Variants in CHD9 observed in about 807,000 individuals in gnomAD.
The protein encoded by CHD9 is ATP-dependent chromatin remodeler CHD9.
In CHD9, 77 loss-of-function variants were observed where a neutral mutation model predicts 316.1. The ratio of observed to expected loss-of-function variants is 0.24; its 90% CI spans 0.20 to 0.29. The LOEUF is 0.29. Ranked by LOEUF, CHD9 falls within the 10% of genes least tolerant of loss-of-function variation. The pLI, the probability that CHD9 is intolerant of heterozygous loss-of-function variation, is 1.00. For missense variants in CHD9, 2,763 were observed against 3,438.1 expected, an observed-to-expected ratio of 0.80 and a Z score of 4.91; for synonymous variants, 1,129 against 1,158.3, an observed-to-expected ratio of 0.97 and a Z score of 0.51.
intron 2 of CHD9, among the ~76,000 whole-genome samples, chr16:53,204,085 A>ATT (rs1318571032): frequency 6.9e-6 from 1 of 144,360 alleles, no homozygotes; most frequent in Non-Finnish European, 1.5e-5. Flanking sequence ...ACACACACAC[A>ATT]CATTTATGTC....
At chr16:53,143,875 A>G (rs2040349104) in intron 1 of CHD9, among the ~76,000 whole-genome samples, 1 of 152,162 alleles carries the variant, frequency 6.6e-6, no homozygotes. Flanking sequence ...TAAAGGAATG[A>G]GGGCAGTGAT....
chr16:53,288,040 T>A lies in CHD9; in HGVS notation c.5247+26T>A, dbSNP rs564232295. 4.6e-5 allele frequency: 72 copies of A among 1,549,906 alleles called. 1 individual carries two copies. The South Asian group carries it at 7.9e-4, about 17-fold the overall frequency. On this transcript the variant is annotated intron_variant, in intron 27 of 38. Coordinates refer to ENST00000447540, the MANE Select transcript of CHD9 (RefSeq NM_001308319.2). ...GTATGCATTGGATCATATTTTTAAATCCTCAATTTTAGGTATTCTTTGGTT... is the reference window on the plus strand; with the variant it reads ...GTATGCATTGGATCATATTTTTAAAACCTCAATTTTAGGTATTCTTTGGTT...
intron 1 of CHD9, among the ~76,000 whole-genome samples, chr16:53,075,228 T>G (rs2034421949): frequency 1.3e-5 from 2 of 152,208 alleles, no homozygotes; most frequent in Admixed American, 6.5e-5. Context: ...ACCTAATACC[T>G]GTACCCCCAT....
Position 53,203,013 on chromosome 16 carries a change from A to G in CHD9, c.1453-6469A>G, listed in dbSNP as rs1432700186. Among the ~76,000 whole-genome samples the G allele has an allele frequency of 2.6e-5, 4 of 152,320 alleles. No homozygotes were observed. In the East Asian group the frequency reaches 7.7e-4, roughly 29 times the overall value. The stretch of plus-strand genomic sequence containing the variant: ...GTTTTTTTCTCTTTTCTCTTTAAAC[A>G]TGTATTTATTGATAGTTTGAAGAAA... On this transcript the variant is annotated intron_variant, in intron 2 of 38. Coordinates refer to ENST00000447540, the MANE Select transcript of CHD9 (RefSeq NM_001308319.2).
chr16:53,256,647 C>CT (rs58475752), intron 19 of CHD9, among the ~76,000 whole-genome samples: 126 of 142,012 alleles, frequency 8.9e-4, no homozygotes, highest in South Asian at 1.6e-3. Flanking sequence ...TTTCTCTCTC[C>CT]TTTTTTTTTT....
intron 37 of CHD9, among the ~76,000 whole-genome samples, chr16:53,319,502 A>C (rs2057122119): frequency 6.6e-6 from 1 of 152,174 alleles, no homozygotes; most frequent in South Asian, 2.1e-4. Flanking sequence ...TTAGTATTTT[A>C]AAGTGTAGCA....
At chr16:53,322,078 AC>A (rs1242713950) in intron 38 of CHD9, among the ~76,000 whole-genome samples, 47 of 150,192 alleles carry the variant, frequency 3.1e-4, no homozygotes, top group African/African-American at 1.1e-3. Context: ...GCTCACTGCA[AC>A]CTTCGCCTCC....
intron 1 of CHD9, among the ~76,000 whole-genome samples, chr16:53,118,987 C>T (rs562353312): frequency 1.1e-3 from 165 of 152,066 alleles, no homozygotes; most frequent in African/African-American, 3.8e-3. Flanking sequence ...AGATGGGGTT[C>T]CACCATGTTG....
chr16:53,232,085 A>G (rs1435456770), intron 10 of CHD9, among the ~76,000 whole-genome samples: 2 of 152,070 alleles, frequency 1.3e-5, no homozygotes, highest in African/African-American at 4.8e-5. Flanking sequence ...TATAATAACT[A>G]TTTTCTGATC....
chr16:53,114,390 T>C (rs568473910), intron 1 of CHD9, among the ~76,000 whole-genome samples: 94 of 152,020 alleles, frequency 6.2e-4, no homozygotes, highest in Non-Finnish European at 1.0e-3. Flanking sequence ...CCCGAGTGGC[T>C]GGGATTACAG....
intron 30 of CHD9, chr16:53,298,557 C>T (rs186227583): frequency 1.3e-5 from 2 of 152,366 alleles, no homozygotes; most frequent in East Asian, 3.9e-4. Context: ...AAGGCAGGAC[C>T]CAGGACCCAG....
Position 53,300,631 on chromosome 16 carries a change from T to C in CHD9, c.5714-3089T>C, listed in dbSNP as rs2055301430. Among the ~76,000 whole-genome samples, 4 of 152,236 alleles carry C rather than the reference T, an allele frequency of 2.6e-5. No homozygotes were observed. In the South Asian group the frequency reaches 8.3e-4, roughly 31 times the overall value. On this transcript the variant is annotated intron_variant, in intron 30 of 38. Transcript: ENST00000447540. ...GGATAATAAAAACCTATTTCTATGT[T>C]AATAGAAATTGAGAGAAAATTCTAG... is the stretch of plus-strand genomic sequence containing the variant.
In CHD9 at chr16:53,267,775, A is replaced by G. The variant is rs184639999; in HGVS notation, c.4518-152A>G. ...TGAATAAAATATACTAGAAATTACT[A>G]TACCATTCCTCTACATTCTATGCAT... On this transcript the variant is annotated intron_variant, in intron 21 of 38. Coordinates refer to ENST00000447540, the MANE Select transcript of CHD9 (RefSeq NM_001308319.2). 2.4e-3 allele frequency among the ~76,000 whole-genome samples: 365 copies of G among 152,338 alleles called. 4 individuals are homozygous for G. The highest frequency in any genetic ancestry group is 2.1e-3 in the Non-Finnish European group (146 of 68,024).
chr16:53,107,450 A>G (rs1019872342), intron 1 of CHD9, among the ~76,000 whole-genome samples: 1 of 150,262 alleles, frequency 6.7e-6, no homozygotes, highest in African/African-American at 2.5e-5. Flanking sequence ...ACAGAGTGAC[A>G]CTCCATCTCA....
At chr16:53,276,413 C>T (rs910637250) in intron 24 of CHD9, among the ~76,000 whole-genome samples, 1 of 152,186 alleles carries the variant, frequency 6.6e-6, no homozygotes, top group African/African-American at 2.4e-5. Context: ...TATTCCTACT[C>T]TTTAAGAGAA....
At chr16:53,264,290 C>T (rs2051435558) in intron 20 of CHD9, among the ~76,000 whole-genome samples, 1 of 151,888 alleles carries the variant, frequency 6.6e-6, no homozygotes, top group Admixed American at 6.6e-5. Context: ...GGAATCGGCC[C>T]TGCAGCAATA....
At chr16:53,179,756 G>A (rs2043350470) in intron 2 of CHD9, among the ~76,000 whole-genome samples, 1 of 151,884 alleles carries the variant, frequency 6.6e-6, no homozygotes, top group Non-Finnish European at 1.5e-5. Flanking sequence ...AATTAGCCTG[G>A]TGTGGTGGCA....
intron 1 of CHD9, among the ~76,000 whole-genome samples, chr16:53,130,619 C>A (rs1014847183): frequency 1.3e-5 from 2 of 151,454 alleles, no homozygotes; most frequent in African/African-American, 2.4e-5. Flanking sequence ...AAGCCTTCCC[C>A]GCCCCGAGGC....
At chr16:53,253,455 G>A (rs1290224292) in intron 17 of CHD9, among the ~76,000 whole-genome samples, 1 of 152,074 alleles carries the variant, frequency 6.6e-6, no homozygotes, top group Non-Finnish European at 1.5e-5. Context: ...AAGAGTGGGA[G>A]GTGGGCAAGG....
Sources: gnomAD v4.1 joint callset for allele counts (sites outside exome capture counted in the v4.1 genomes callset) on GRCh38, gnomAD v4.1.1 for gene constraint, MANE v1.5 for transcripts, NCBI Gene and HGNC (gene_info 2026-07-23, HGNC 2026-07-21) for gene names.